Variants in STKLD1 observed in about 807,000 individuals in gnomAD.
STKLD1 encodes serine/threonine kinase-like domain-containing protein STKLD1.
In STKLD1, 79 loss-of-function variants were observed where a neutral mutation model predicts 80.4. The observed-to-expected ratio is 0.98, with a 90% CI of 0.82 to 1.19. The LOEUF (loss-of-function observed/expected upper bound fraction) is 1.19. Among genes scored for constraint, STKLD1 ranks in the 50% most tolerant of loss-of-function variants. STKLD1 has a pLI of 0.00. For synonymous variants in STKLD1, 393 were observed against 357.6 expected, an observed-to-expected ratio of 1.10 and a Z score of -1.12; for missense variants, 841 against 856.0, an observed-to-expected ratio of 0.98 and a Z score of 0.22.
Position 133,405,279 on chromosome 9 carries a change from G to A in STKLD1, c.1901G>A (p.Ser634Asn). Residue 634 changes from serine to asparagine, a missense_variant, in exon 18 of 18, where the codon AGT becomes AAT. Transcript: ENST00000371957. ...YEEILPELVS[S>N]SMKALLQEIK... The stretch of plus-strand genomic sequence containing the variant: ...GAGATCCTGCCGGAGCTGGTGTCCA[G>A]TAGTATGAAGGCCCTGCTCCAGGAG... 2 of 1,612,210 alleles carry A rather than the reference G, an allele frequency of 1.2e-6. No individual in the cohort carries two copies. The highest frequency in any genetic ancestry group is 1.7e-6 in the Non-Finnish European group (2 of 1,179,480).
chr9:133,405,139 C>T, intron 17 of STKLD1, 113 bp from the exon 18 acceptor site: 14 of 1,388,204 alleles, frequency 1.0e-5, no homozygotes, highest in Non-Finnish European at 1.2e-5. Context: ...TGCAAGGTGG[C>T]TCTGTGCATG....
intron 13 of STKLD1, among the ~76,000 whole-genome samples, chr9:133,402,491 G>T (rs1251453599): frequency 6.6e-6 from 1 of 152,232 alleles, no homozygotes; most frequent in Non-Finnish European, 1.5e-5. Flanking sequence ...ACTAGGAATA[G>T]ATGTCAACTG....
intron 11 of STKLD1, among the ~76,000 whole-genome samples, chr9:133,399,810 C>A (rs958726752): frequency 6.8e-6 from 1 of 146,710 alleles, no homozygotes; most frequent in Non-Finnish European, 1.5e-5. Flanking sequence ...ACCCAGGAGG[C>A]GGAGGTTGCA....
At chr9:133,392,484 T>G (rs1158380323) in intron 7 of STKLD1, among the ~76,000 whole-genome samples, 2 of 146,862 alleles carry the variant, frequency 1.4e-5, no homozygotes, top group Non-Finnish European at 3.0e-5. Context: ...GGTGAGTGGA[T>G]GGATGGATAG....
rs782145355 is a variant in STKLD1 at position 133,394,326 on chromosome 9, C to T, written c.619C>T (p.Leu207Phe). The change falls in exon 8 of 18, where the codon CTC (leucine) becomes TTC (phenylalanine). Residue 207 changes from leucine to phenylalanine, a missense_variant. Leu to Phe is a conservative substitution (Grantham distance 22). Transcript: ENST00000371957. The surrounding 1 kb of genome is among the most constrained non-coding windows in gnomAD (Gnocchi z 4.9). ...FRKSWMAPEALNFSFSQKSDI... is the reference protein window; with the variant it reads ...FRKSWMAPEAFNFSFSQKSDI... The stretch of plus-strand genomic sequence containing the variant: ...TAAGTCCTGGATGGCCCCTGAAGCC[C>T]TCAACTTCTCCTTCAGCCAGAAATC... 7.4e-6 allele frequency: 12 copies of T among 1,613,952 alleles called. 1 individual carries two copies.
rs2130285859 is a variant in STKLD1, at chr9:133,390,194, AACACAC to A, written c.468-434_468-429del. Among the ~76,000 whole-genome samples the A allele has an allele frequency of 0.16, 19,261 of 123,204 alleles. 1,938 individuals carry two copies. Among genetic ancestry groups the A allele is most frequent in the Non-Finnish European group, 0.17 (10,222 of 59,612 alleles). 80.8% of individuals were successfully genotyped at this position (123,204 alleles called of 152,430 possible). ...TTCAGCCTGGGCAACCCTGACTTAAAACACACACACACACACACACACACACACACA... is the reference window on the plus strand; with the variant it reads ...TTCAGCCTGGGCAACCCTGACTTAAAACACACACACACACACACACACACA... On this transcript the variant is annotated intron_variant, in intron 6 of 17. Transcript: ENST00000371957. This position sits in a 1 kb window ranked among gnomAD's most constrained non-coding sequence, Gnocchi z 5.1.
chr9:133,388,216 A>G (rs1314497553), intron 5 of STKLD1, among the ~76,000 whole-genome samples: 1 of 152,174 alleles, frequency 6.6e-6, no homozygotes, highest in African/African-American at 2.4e-5. Flanking sequence ...TTCCCGATCC[A>G]CATGGAGGCC....
chr9:133,397,314 G>A lies in STKLD1; in HGVS notation c.997+20G>A. The A allele has an allele frequency of 1.2e-6, 2 of 1,611,546 alleles. No homozygotes were observed. Among genetic ancestry groups the A allele is most frequent in the South Asian group, 1.1e-5 (1 of 91,032 alleles). On this transcript the variant is annotated intron_variant, in intron 10 of 17. Transcript: ENST00000371957. ...TTTTAGGTGATGCTGGGGACACAAA[G>A]GGGGAGCGTGCCCTGAAGCTCCTGT...
At position 133,405,543 on chromosome 9, in the gene STKLD1, G is replaced by C; in HGVS notation, c.*122G>C. The C allele has an allele frequency of 1.0e-6, 1 of 993,152 alleles. No homozygotes were observed. The highest frequency in any genetic ancestry group is 1.4e-6 in the Non-Finnish European group (1 of 702,506). The allele number at this position is 993,152 out of a possible 1,614,324, so 61.5% of individuals were successfully genotyped here. On this transcript the variant is annotated 3_prime_UTR_variant, in exon 18 of 18. Coordinates refer to ENST00000371957, the MANE Select transcript of STKLD1 (RefSeq NM_153710.5). ...CAATCTTAAACGGGAGGGGTAATCA[G>C]ACCTCTCCAAAGAGTTTCCTGTCCA...
In STKLD1 at chr9:133,389,564, G is replaced by A; in HGVS notation, c.435G>A (p.Leu145=). 1.2e-6 allele frequency: 2 copies of A among 1,613,582 alleles called. No homozygotes were observed. Among genetic ancestry groups the A allele is most frequent in the Non-Finnish European group, 1.7e-6 (2 of 1,179,982 alleles). ...TGCTGGGCCAGGTGCTGGACGCGCT[G>A]GAATACCTGCACCATTTGGACATCA... ...QNVLGQVLDA[L]EYLHHLDIIH... Residue 145 remains leucine (L), a synonymous_variant, in exon 6 of 18, where the codon CTG becomes CTA. Coordinates refer to ENST00000371957, the MANE Select transcript of STKLD1 (RefSeq NM_153710.5). The surrounding 1 kb of genome is among the most constrained non-coding windows in gnomAD (Gnocchi z 6.4).
At chr9:133,391,186 T>TG (rs1323797646) in intron 7 of STKLD1, among the ~76,000 whole-genome samples, 1 of 145,830 alleles carries the variant, frequency 6.9e-6, no homozygotes, top group Non-Finnish European at 1.5e-5. Context: ...GGGAGGGAGG[T>TG]GGGGGGCTCA....
Position 133,390,895 on chromosome 9 carries a change from G to T in STKLD1, c.583+99G>T. On this transcript the variant is annotated intron_variant, in intron 7 of 17. Coordinates refer to ENST00000371957, the MANE Select transcript of STKLD1 (RefSeq NM_153710.5). This position sits in a 1 kb window ranked among gnomAD's most constrained non-coding sequence, Gnocchi z 5.1. Reference sequence around the variant, plus strand: ...TGCTGGAGTGAGGCAACATCAAACAGCTGTTTGCTCAGAAGGTCCCCACAA... The same window carrying T: ...TGCTGGAGTGAGGCAACATCAAACATCTGTTTGCTCAGAAGGTCCCCACAA... 1.1e-6 allele frequency: 1 copy of T among 881,380 alleles called. No individual in the cohort carries two copies. The highest frequency in any genetic ancestry group is 1.6e-5 in the African/African-American group (1 of 60,774). 54.6% of individuals were successfully genotyped at this position (881,380 alleles called of 1,614,324 possible). A position where few individuals can be genotyped will look rare whatever the true frequency, so the allele number is the denominator to read the frequency against.
Position 133,401,762 on chromosome 9 carries a change from A to G in STKLD1, c.1223A>G (p.Lys408Arg). The G allele has an allele frequency of 6.2e-7, 1 of 1,613,102 alleles. No individual in the cohort carries two copies. Among genetic ancestry groups the G allele is most frequent in the South Asian group, 1.1e-5 (1 of 91,040 alleles). ...GQALVHHPEAKAPCNQAITST... is the reference protein window; with the variant it reads ...GQALVHHPEARAPCNQAITST... ...GCGCTGGTGCACCACCCGGAAGCCAAGGCTCCCTGCAACCAAGCCATCACC... is the reference window on the plus strand; with the variant it reads ...GCGCTGGTGCACCACCCGGAAGCCAGGGCTCCCTGCAACCAAGCCATCACC... Residue 408 changes from lysine (K) to arginine (R), a missense_variant, in exon 13 of 18, where the codon AAG becomes AGG. Physicochemically the swap from Lys to Arg is conservative, Grantham distance 26. Coordinates refer to ENST00000371957, the MANE Select transcript of STKLD1 (RefSeq NM_153710.5).
chr9:133,378,555 A>G (rs1838059429), intron 1 of STKLD1, among the ~76,000 whole-genome samples: 1 of 152,260 alleles, frequency 6.6e-6, no homozygotes, highest in African/African-American at 2.4e-5. Context: ...ATGTAAACAC[A>G]GAGGTAGCAA....
chr9:133,383,980 G>T (rs587693940), intron 3 of STKLD1, 80 bp downstream of exon 3: 2 of 1,388,426 alleles, frequency 1.4e-6, no homozygotes, highest in Non-Finnish European at 1.0e-6. Flanking sequence ...CTTGTTGAGT[G>T]CCTGGATGAA....
At chr9:133,380,954 G>A (rs1225772104) in intron 2 of STKLD1, among the ~76,000 whole-genome samples, 1 of 151,902 alleles carries the variant, frequency 6.6e-6, no homozygotes, top group Non-Finnish European at 1.5e-5. Context: ...CTATCACATG[G>A]GCTGAGCATT....
chr9:133,405,433 G>T lies in STKLD1; in HGVS notation c.*12G>T. ...GGGGACTGGAATAGATGTTTGTATG[G>T]AACTGACCTTGATCTCCACGTGTAT... is the stretch of plus-strand genomic sequence containing the variant. On this transcript the variant is annotated 3_prime_UTR_variant, in exon 18 of 18. Transcript: ENST00000371957. The T allele has an allele frequency of 6.3e-7, 1 of 1,593,446 alleles. No homozygotes were observed. The highest frequency in any genetic ancestry group is 1.1e-5 in the South Asian group (1 of 89,970).
chr9:133,391,454 C>A (rs1385762902), intron 7 of STKLD1, among the ~76,000 whole-genome samples: 1 of 151,290 alleles, frequency 6.6e-6, no homozygotes, highest in African/African-American at 2.4e-5. Flanking sequence ...ATTGAGAAAT[C>A]GGATGGTTGC....
intron 9 of STKLD1, 26 bp from the exon 10 acceptor site, chr9:133,397,138 C>G: frequency 1.2e-6 from 2 of 1,613,414 alleles, no homozygotes; most frequent in Non-Finnish European, 1.7e-6. Flanking sequence ...TGCTGGGTTA[C>G]TCAGCCCTCT....
Sources: gnomAD v4.1 joint callset for allele counts (sites outside exome capture counted in the v4.1 genomes callset) on GRCh38, gnomAD v4.1.1 for gene constraint, Gnocchi (gnomAD v3.1) non-coding constraint, MANE v1.5 for transcripts, NCBI Gene and HGNC (gene_info 2026-07-23, HGNC 2026-07-21) for gene names.